EWSR1: variants seen among roughly 807,000 people sequenced by gnomAD.
The protein encoded by EWSR1 is EWS RNA binding protein 1.
In EWSR1, 14 loss-of-function variants were observed where a neutral mutation model predicts 92.1. The ratio of observed to expected loss-of-function variants is 0.15; its 90% CI spans 0.10 to 0.24. The LOEUF is 0.24. EWSR1 is among the 10% of genes least tolerant of loss of function. The probability of loss-of-function intolerance (pLI) is 1.00; values close to 1 mark genes in which losing one functional copy is unlikely to be tolerated. For synonymous variants in EWSR1, 303 were observed against 292.9 expected, an observed-to-expected ratio of 1.03 and a Z score of -0.35; for missense variants, 637 against 870.9, an observed-to-expected ratio of 0.73 and a Z score of 3.38.
At chr22:29,284,771 A>G (rs1213386778) in intron 6 of EWSR1, among the ~76,000 whole-genome samples, 1 of 151,132 alleles carries the variant, frequency 6.6e-6, no homozygotes, top group Non-Finnish European at 1.5e-5. Flanking sequence ...GTTTCTCATC[A>G]TGATTTGTAA....
At chr22:29,271,989 G>C (rs2058715862) in intron 1 of EWSR1, among the ~76,000 whole-genome samples, 1 of 152,182 alleles carries the variant, frequency 6.6e-6, no homozygotes, top group Non-Finnish European at 1.5e-5. Flanking sequence ...CAAATCAGCT[G>C]ATCTTGACCT....
intron 11 of EWSR1, among the ~76,000 whole-genome samples, chr22:29,294,604 CAA>C (rs1029749874): frequency 8.0e-4 from 52 of 65,150 alleles, no homozygotes; most frequent in African/African-American, 1.9e-3. Context: ...GACTCCGCCT[CAA>C]AAAAAAAAAA....
chr22:29,294,873 A>G (rs549234082), intron 11 of EWSR1, among the ~76,000 whole-genome samples: 1 of 151,472 alleles, frequency 6.6e-6, no homozygotes, highest in Non-Finnish European at 1.5e-5. Context: ...AGATGGCGCC[A>G]CTGCACTCCA....
intron 15 of EWSR1, 76 bp downstream of exon 15, chr22:29,299,407 C>T (rs546625282): frequency 1.3e-6 from 2 of 1,550,212 alleles, no homozygotes; most frequent in Non-Finnish European, 1.7e-6. Flanking sequence ...GCTTGGTAAA[C>T]TGCAGTTGCC....
At chr22:29,290,981 TCTC>T (rs2060401090) in intron 8 of EWSR1, 2 of 237,348 alleles carry the variant, frequency 8.4e-6, no homozygotes, top group African/African-American at 4.4e-5. Context: ...TGTTGTAAAT[TCTC>T]CTTTCACAGC....
rs2857462 is a variant in EWSR1 at position 29,298,493 on chromosome 22, T to C, written c.1418-240T>C. On this transcript the variant is annotated intron_variant, in intron 13 of 16. Coordinates refer to ENST00000397938, the MANE Select transcript of EWSR1 (RefSeq NM_005243.4). ...CTGCACTCCAGCCTGGGCAACAGTG[T>C]GAGACTCCGTCTCCAAAAAAAAAAA... Among the ~76,000 whole-genome samples, 95,177 of 147,140 alleles carry C rather than the reference T, an allele frequency of 0.65. 31,408 individuals carry two copies. Among genetic ancestry groups the C allele is most frequent in the African/African-American group, 0.8 (31,881 of 39,684 alleles).
intron 8 of EWSR1, chr22:29,290,114 G>C (rs1030066400): frequency 5.6e-5 from 16 of 285,954 alleles, no homozygotes; most frequent in Non-Finnish European, 7.8e-5. Flanking sequence ...TGCTAGTAGA[G>C]GGGGCCCCTC....
intron 1 of EWSR1, among the ~76,000 whole-genome samples, chr22:29,269,996 A>G (rs548016823): frequency 8.5e-5 from 13 of 152,362 alleles, no homozygotes; most frequent in African/African-American, 3.1e-4. Flanking sequence ...AGAGAGTCAC[A>G]TAAGTAATCT....
chr22:29,276,825 T>C (rs1003915904), intron 4 of EWSR1: 1 of 231,698 alleles, frequency 4.3e-6, no homozygotes, highest in Non-Finnish European at 8.5e-6. Context: ...TAAGTTTGTT[T>C]ATTTTTTGTA....
intron 5 of EWSR1, among the ~76,000 whole-genome samples, chr22:29,279,884 A>G (rs933597708): frequency 4.6e-5 from 7 of 152,198 alleles, no homozygotes; most frequent in Non-Finnish European, 1.0e-4. Flanking sequence ...TATCCAAGCC[A>G]TATCTGGAGG....
At chr22:29,280,859 G>GTTTTTTT (rs1316884921) in intron 5 of EWSR1, among the ~76,000 whole-genome samples, 2 of 91,022 alleles carry the variant, frequency 2.2e-5, no homozygotes, top group African/African-American at 4.0e-5. Context: ...GTGTGTGTGT[G>GTTTTTTT]TTGTTTTTTT....
chr22:29,286,009 T>C (rs1007278937), intron 6 of EWSR1, among the ~76,000 whole-genome samples: 3 of 151,916 alleles, frequency 2.0e-5, no homozygotes, highest in African/African-American at 7.3e-5. Flanking sequence ...GGCTAATTTT[T>C]TGTATTTTTT....
Position 29,297,848 on chromosome 22 carries a change from A to C in EWSR1, c.1316A>C (p.Lys439Thr). The C allele has an allele frequency of 1.2e-6, 2 of 1,614,006 alleles. No individual in the cohort carries two copies. Among genetic ancestry groups the C allele is most frequent in the Non-Finnish European group, 1.7e-6 (2 of 1,179,962 alleles). ...WFDGKDFQGS[K>T]LKVSLARKKP... ...CCAGGGAAAGATTTTCAAGGGAGCA[A>C]ACTTAAAGTCTCCCTTGCTCGGAAG... Residue 439 changes from lysine (K) to threonine (T), a missense_variant, in exon 13 of 17, where the codon AAA (lysine) becomes ACA (threonine). Transcript: ENST00000397938.
chr22:29,278,305 C>T (rs2059277020), intron 5 of EWSR1, 89 bp downstream of exon 5: 19 of 1,302,662 alleles, frequency 1.5e-5, no homozygotes, highest in Non-Finnish European at 2.0e-5. Flanking sequence ...TGGTTTAGTT[C>T]CTTATTAGTG....
chr22:29,295,691 G>A (rs553383025), intron 11 of EWSR1: 2 of 222,352 alleles, frequency 9.0e-6, no homozygotes, highest in Admixed American at 5.7e-5. Flanking sequence ...AAAAGTACAC[G>A]TGAAGATATT....
chr22:29,270,149 G>C (rs911498524), intron 1 of EWSR1, among the ~76,000 whole-genome samples: 1 of 152,180 alleles, frequency 6.6e-6, no homozygotes. Flanking sequence ...CTCAACTCAG[G>C]TAGTGTGAAG....
chr22:29,289,783 A>T (rs969107244), intron 8 of EWSR1: 2 of 231,888 alleles, frequency 8.6e-6, no homozygotes, highest in Non-Finnish European at 1.7e-5. Flanking sequence ...ACTCTTCACT[A>T]CTGAAAGACA....
chr22:29,279,828 G>A (rs1249772315), intron 5 of EWSR1, among the ~76,000 whole-genome samples: 1 of 152,178 alleles, frequency 6.6e-6, no homozygotes, highest in Non-Finnish European at 1.5e-5. Flanking sequence ...ATTTCCGAGT[G>A]TCATCAGATG....
chr22:29,280,899 T>A (rs1261434616), intron 5 of EWSR1, among the ~76,000 whole-genome samples: 1 of 89,864 alleles, frequency 1.1e-5, no homozygotes, highest in Admixed American at 1.2e-4. Context: ...TTTTTTTTTT[T>A]GACAGAGTCT....
Sources: allele counts gnomAD v4.1 joint callset (sites outside exome capture counted in the v4.1 genomes callset), GRCh38; gene constraint gnomAD v4.1.1; transcripts MANE v1.5; gene names NCBI Gene and HGNC (gene_info 2026-07-23, HGNC 2026-07-21).